The following SPOCK3 variants were observed in gnomAD, a reference collection of about 807,000 sequenced individuals.
SPOCK3 encodes SPARC (osteonectin), cwcv and kazal like domains proteoglycan 3.
In SPOCK3, 30 loss-of-function variants were observed where a neutral mutation model predicts 56.6. That is an observed-to-expected ratio of 0.53 (90% CI 0.40 to 0.72). The LOEUF is 0.72. SPOCK3 is among the 30% of genes least tolerant of loss of function. SPOCK3 has a pLI of 0.00. For missense variants in SPOCK3, 527 were observed against 530.0 expected (o/e 0.99, Z 0.06); for synonymous variants, 196 against 183.3 (o/e 1.07, Z -0.56).
chr4:166,987,304 C>T (rs532131663), intron 4 of SPOCK3, among the ~76,000 whole-genome samples: 29 of 152,230 alleles, frequency 1.9e-4, no homozygotes, highest in African/African-American at 7.0e-4. Flanking sequence ...CTGAAAATGA[C>T]TCATTTCTTT....
At chr4:166,863,519 A>T (rs1731458274) in intron 6 of SPOCK3, among the ~76,000 whole-genome samples, 2 of 152,128 alleles carry the variant, frequency 1.3e-5, no homozygotes, top group East Asian at 1.9e-4. Flanking sequence ...AAGACCCATC[A>T]GTGGGCTGTA....
At chr4:167,001,274 C>T (rs1363419399) in intron 3 of SPOCK3, among the ~76,000 whole-genome samples, 1 of 152,124 alleles carries the variant, frequency 6.6e-6, no homozygotes, top group Non-Finnish European at 1.5e-5. Flanking sequence ...TTATCATTAT[C>T]ATCCCCTATT....
chr4:166,990,324 C>T (rs918877350), intron 4 of SPOCK3, among the ~76,000 whole-genome samples: 2 of 151,856 alleles, frequency 1.3e-5, no homozygotes, highest in Non-Finnish European at 2.9e-5. Context: ...TAAAAATGTT[C>T]TTACATGTAT....
At chr4:166,942,012 C>A (rs1021234563) in intron 4 of SPOCK3, among the ~76,000 whole-genome samples, 1 of 152,038 alleles carries the variant, frequency 6.6e-6, no homozygotes, top group African/African-American at 2.4e-5. Flanking sequence ...ACTAAGTTTT[C>A]CAGTAATTTG....
At chr4:167,204,783 C>T (rs893554097) in intron 2 of SPOCK3, among the ~76,000 whole-genome samples, 8 of 151,448 alleles carry the variant, frequency 5.3e-5, no homozygotes, top group Non-Finnish European at 1.0e-4. Flanking sequence ...TGGGGGGCGA[C>T]GGGTCTTTGT....
At position 167,196,409 on chromosome 4, in the gene SPOCK3, A is replaced by C. The variant is rs535438995; in HGVS notation, c.189+37576T>G. 2.6e-5 allele frequency among the ~76,000 whole-genome samples: 4 copies of C among 152,186 alleles called. No individual in the cohort carries two copies. In the South Asian group the frequency reaches 8.3e-4, roughly 32 times the overall value. On this transcript the variant is annotated intron_variant, in intron 2 of 10. Transcript: ENST00000357545. The stretch of plus-strand genomic sequence containing the variant: ...AACACTCATTCATTAATCTCACACT[A>C]TCCATGTGTCAGTAGTCTGGACACA...
At chr4:166,785,218 TTGTTTTTCAG>T (rs1488539242) in intron 7 of SPOCK3, among the ~76,000 whole-genome samples, 4 of 152,114 alleles carry the variant, frequency 2.6e-5, no homozygotes, top group Non-Finnish European at 4.4e-5. Flanking sequence ...GATCATTCCT[TTGTTTTTCAG>T]TGATAGCTCT....
chr4:166,921,481 T>A (rs1328282935), intron 4 of SPOCK3, among the ~76,000 whole-genome samples: 1 of 152,136 alleles, frequency 6.6e-6, no homozygotes, highest in Non-Finnish European at 1.5e-5. Context: ...CACGCTCAGC[T>A]AATTTTTGTA....
chr4:167,192,912 T>A (rs1732599471), intron 2 of SPOCK3, among the ~76,000 whole-genome samples: 1 of 146,132 alleles, frequency 6.8e-6, no homozygotes, highest in Non-Finnish European at 1.5e-5. Flanking sequence ...CATTTCCCAA[T>A]GTTCTGTTGT....
At chr4:167,138,757 T>G (rs1393950816) in intron 2 of SPOCK3, among the ~76,000 whole-genome samples, 1 of 151,840 alleles carries the variant, frequency 6.6e-6, no homozygotes, top group Non-Finnish European at 1.5e-5. Flanking sequence ...CTAAAAAATG[T>G]CATTGTGTTT....
chr4:167,124,205 T>A (rs1287887113), intron 2 of SPOCK3, among the ~76,000 whole-genome samples: 1 of 152,216 alleles, frequency 6.6e-6, no homozygotes, highest in African/African-American at 2.4e-5. Context: ...GAATTTGTTT[T>A]CTTTTTAACC....
At chr4:166,825,186 G>A (rs994261985) in intron 6 of SPOCK3, among the ~76,000 whole-genome samples, 2 of 152,010 alleles carry the variant, frequency 1.3e-5, no homozygotes, top group Non-Finnish European at 1.5e-5. Context: ...GAAGGTCTAC[G>A]TCTCAAGTAA....
chr4:166,950,430 T>C (rs1742418684), intron 4 of SPOCK3, among the ~76,000 whole-genome samples: 1 of 151,794 alleles, frequency 6.6e-6, no homozygotes, highest in Non-Finnish European at 1.5e-5. Context: ...ACCAGATTCA[T>C]AAAGCAAGTC....
intron 4 of SPOCK3, among the ~76,000 whole-genome samples, chr4:166,946,291 C>T (rs1157024174): frequency 2.0e-5 from 3 of 152,168 alleles, no homozygotes; most frequent in East Asian, 3.9e-4. Flanking sequence ...AATGGCTCCC[C>T]TTTCCTTTCA....
intron 3 of SPOCK3, among the ~76,000 whole-genome samples, chr4:167,044,448 T>C (rs918284302): frequency 2.1e-5 from 3 of 143,802 alleles, no homozygotes; most frequent in African/African-American, 7.7e-5. Flanking sequence ...CTCTATTATT[T>C]TTTTCTCCTT....
At chr4:166,970,434 A>C (rs1745247918) in intron 4 of SPOCK3, among the ~76,000 whole-genome samples, 1 of 152,182 alleles carries the variant, frequency 6.6e-6, no homozygotes, top group African/African-American at 2.4e-5. Flanking sequence ...AGATTTCAAA[A>C]ACAGAGTGGC....
intron 6 of SPOCK3, among the ~76,000 whole-genome samples, chr4:166,885,244 G>T (rs949904575): frequency 2.0e-5 from 3 of 149,656 alleles, no homozygotes; most frequent in African/African-American, 4.9e-5. Flanking sequence ...TAGTATCCTT[G>T]CTGGGACTTG....
chr4:166,973,010 G>A (rs551467129), intron 4 of SPOCK3, among the ~76,000 whole-genome samples: 2 of 152,048 alleles, frequency 1.3e-5, no homozygotes, highest in Non-Finnish European at 2.9e-5. Flanking sequence ...TTTACCCACC[G>A]AAATCTCATC....
intron 2 of SPOCK3, among the ~76,000 whole-genome samples, chr4:167,229,186 A>C (rs536968651): frequency 8.5e-5 from 13 of 152,332 alleles, no homozygotes; most frequent in African/African-American, 3.1e-4. Context: ...AGAGAACAGT[A>C]GTTCACTTTA....
Sources: gnomAD v4.1 joint callset for allele counts (sites outside exome capture counted in the v4.1 genomes callset) on GRCh38, gnomAD v4.1.1 for gene constraint, MANE v1.5 for transcripts, NCBI Gene and HGNC (gene_info 2026-07-23, HGNC 2026-07-21) for gene names.